The following CWC27 variants were observed in gnomAD, a reference collection of about 807,000 sequenced individuals.
CWC27 encodes CWC27 spliceosome associated cyclophilin.
A neutral mutation model predicts 63.6 loss-of-function variants in CWC27; 47 were observed. The ratio of observed to expected loss-of-function variants is 0.74; its 90% confidence interval spans 0.58 to 0.94. CWC27 has a LOEUF of 0.94. Among genes scored for constraint, CWC27 ranks in the 40% least tolerant of loss-of-function variants. The pLI, the probability that CWC27 is intolerant of heterozygous loss-of-function variation, is 0.00. For synonymous variants in CWC27, 175 were observed against 179.8 expected (o/e 0.97, Z 0.22); for missense variants, 495 against 554.3 (o/e 0.89, Z 1.07).
At chr5:64,864,356 A>C (rs1032450674) in intron 10 of CWC27, among the ~76,000 whole-genome samples, 2 of 152,172 alleles carry the variant, frequency 1.3e-5, no homozygotes, top group African/African-American at 2.4e-5. Flanking sequence ...TCATCTATGC[A>C]TGCCCTGGCT....
At chr5:64,844,368 A>G (rs550809959) in intron 10 of CWC27, among the ~76,000 whole-genome samples, 1 of 152,284 alleles carries the variant, frequency 6.6e-6, no homozygotes, top group East Asian at 1.9e-4. Flanking sequence ...ATACCAGCCA[A>G]CCTCATAGTT....
intron 2 of CWC27, among the ~76,000 whole-genome samples, chr5:64,781,035 A>G (rs961035353): frequency 4.6e-5 from 7 of 152,136 alleles, no homozygotes; most frequent in Admixed American, 1.3e-4. Context: ...TGTCGCTTAT[A>G]CTTTGCCTCA....
At chr5:64,829,762 T>C (rs1261039042) in intron 10 of CWC27, among the ~76,000 whole-genome samples, 1 of 151,454 alleles carries the variant, frequency 6.6e-6, no homozygotes, top group Non-Finnish European at 1.5e-5. Flanking sequence ...TCACCTACAT[T>C]AGGTATTTCT....
intron 11 of CWC27, among the ~76,000 whole-genome samples, chr5:64,888,457 TG>T (rs962275744): frequency 1.2e-4 from 17 of 147,360 alleles, no homozygotes; most frequent in Admixed American, 1.0e-3. Context: ...ATGTATATTT[TG>T]GGATTATAAC....
intron 11 of CWC27, among the ~76,000 whole-genome samples, chr5:64,918,827 T>G (rs1747939943): frequency 6.6e-6 from 1 of 152,190 alleles, no homozygotes; most frequent in Non-Finnish European, 1.5e-5. Flanking sequence ...CTATGGAACA[T>G]CTACCAGAGT....
At chr5:64,907,734 C>G (rs1014601298) in intron 11 of CWC27, among the ~76,000 whole-genome samples, 2 of 152,184 alleles carry the variant, frequency 1.3e-5, no homozygotes, top group African/African-American at 4.8e-5. Flanking sequence ...GCATCCCTAT[C>G]TTGTGCCAGT....
chr5:64,982,489 A>T (rs1749346618), intron 13 of CWC27, among the ~76,000 whole-genome samples: 1 of 144,146 alleles, frequency 6.9e-6, no homozygotes, highest in African/African-American at 2.5e-5. Context: ...TACTCGGCTA[A>T]TTTTTTTTTT....
intron 10 of CWC27, among the ~76,000 whole-genome samples, chr5:64,822,784 C>G (rs1158627922): frequency 6.6e-6 from 1 of 151,978 alleles, no homozygotes; most frequent in African/African-American, 2.4e-5. Context: ...TATTGAATTT[C>G]TGCATTTTTG....
At chr5:64,854,754 T>C (rs745457818) in intron 10 of CWC27, among the ~76,000 whole-genome samples, 4 of 152,236 alleles carry the variant, frequency 2.6e-5, no homozygotes, top group Non-Finnish European at 5.9e-5. Flanking sequence ...GATTTTTATG[T>C]GTTATTCTCA....
At chr5:64,807,886 C>T (rs1744744459) in intron 10 of CWC27, 1 of 1,463,004 alleles carries the variant, frequency 6.8e-7, no homozygotes. Context: ...CATTTTATTT[C>T]CTGTCCCTAC....
intron 11 of CWC27, among the ~76,000 whole-genome samples, chr5:64,924,290 A>C (rs1234328677): frequency 1.3e-5 from 2 of 152,206 alleles, no homozygotes; most frequent in Non-Finnish European, 2.9e-5. Flanking sequence ...CACTAAAATG[A>C]TATATTGTTC....
chr5:64,800,557 T>TA lies in CWC27; in HGVS notation c.749+234dup, dbSNP rs747617828. 4.6e-5 allele frequency among the ~76,000 whole-genome samples: 7 copies of TA among 152,344 alleles called. No homozygotes were observed. The South Asian group carries it at 8.3e-4, about 18-fold the overall frequency. Reference sequence around the variant, plus strand: ...CTACCTCTGTTGAATGAATTACATTTAAAATTGTTTTACCATTACATGTTA... The same window carrying TA: ...CTACCTCTGTTGAATGAATTACATTTAAAAATTGTTTTACCATTACATGTTA... On this transcript the variant is annotated intron_variant, in intron 8 of 13. Coordinates refer to ENST00000381070, the MANE Select transcript of CWC27 (RefSeq NM_005869.4).
chr5:64,783,826 T>C lies in CWC27; in HGVS notation c.253-10T>C, dbSNP rs1385774246. Reference sequence around the variant, plus strand: ...ACTGAGGACATTCACTAAATCTTTTTACATTTCAGGATGAATTTCATTCAC... The same window carrying C: ...ACTGAGGACATTCACTAAATCTTTTCACATTTCAGGATGAATTTCATTCAC... On this transcript the variant is annotated splice_polypyrimidine_tract_variant and intron_variant, in intron 3 of 13. Transcript: ENST00000381070. 1.9e-6 allele frequency: 3 copies of C among 1,551,540 alleles called. No individual in the cohort carries two copies. The highest frequency in any genetic ancestry group is 2.6e-6 in the Non-Finnish European group (3 of 1,150,576).
At chr5:64,938,893 G>A (rs921643635) in intron 11 of CWC27, among the ~76,000 whole-genome samples, 26 of 151,914 alleles carry the variant, frequency 1.7e-4, no homozygotes, top group Admixed American at 7.9e-4. Context: ...ACGCTTGATC[G>A]GTTCTGCTAT....
intron 10 of CWC27, among the ~76,000 whole-genome samples, chr5:64,832,536 C>T (rs918409149): frequency 3.3e-5 from 5 of 151,642 alleles, no homozygotes; most frequent in African/African-American, 9.7e-5. Context: ...TTCATATATT[C>T]GCACAAGTGT....
chr5:64,785,477 A>T lies in CWC27; in HGVS notation c.397-4A>T. On this transcript the variant is annotated splice_region_variant and splice_polypyrimidine_tract_variant and intron_variant, in intron 4 of 13. Transcript: ENST00000381070. ...TCAATTACATTATATTTTTAATTTGATAGGTTACAGGGGATACAGTATATA... is the reference window on the plus strand; with the variant it reads ...TCAATTACATTATATTTTTAATTTGTTAGGTTACAGGGGATACAGTATATA... The T allele has an allele frequency of 7.7e-7, 1 of 1,301,976 alleles. No individual in the cohort carries two copies. Among genetic ancestry groups the T allele is most frequent in the South Asian group, 2.5e-5 (1 of 39,318 alleles). 80.7% of individuals were successfully genotyped at this position (1,301,976 alleles called of 1,614,324 possible).
At chr5:64,832,531 A>G (rs1281154185) in intron 10 of CWC27, among the ~76,000 whole-genome samples, 1 of 151,794 alleles carries the variant, frequency 6.6e-6, no homozygotes, top group Non-Finnish European at 1.5e-5. Context: ...CACAATTCAT[A>G]TATTCGCACA....
chr5:64,779,487 C>A (rs1743581382), intron 2 of CWC27, among the ~76,000 whole-genome samples: 1 of 152,154 alleles, frequency 6.6e-6, no homozygotes, highest in Non-Finnish European at 1.5e-5. Flanking sequence ...TGTAAAATTT[C>A]TTTCCTTCCA....
At chr5:64,847,408 AG>A (rs1357397016) in intron 10 of CWC27, among the ~76,000 whole-genome samples, 2 of 152,234 alleles carry the variant, frequency 1.3e-5, no homozygotes, top group African/African-American at 2.4e-5. Context: ...AAAGATCTGA[AG>A]GGAGAAATAG....
Sources: allele counts gnomAD v4.1 joint callset (sites outside exome capture counted in the v4.1 genomes callset), GRCh38; gene constraint gnomAD v4.1.1; transcripts MANE v1.5; gene names NCBI Gene and HGNC (gene_info 2026-07-23, HGNC 2026-07-21).